The following TCF7L1 variants were observed in gnomAD, a reference collection of about 807,000 sequenced individuals.
TCF7L1 encodes the protein transcription factor 7-like 1.
TCF7L1 carries 18 observed loss-of-function variants against 63.7 expected under a neutral mutation model. The observed-to-expected ratio is 0.28, with a 90% CI of 0.20 to 0.42. The LOEUF (loss-of-function observed/expected upper bound fraction) is 0.42, where lower values mean the gene tolerates loss of function less well. Ranked by LOEUF, TCF7L1 falls within the 10% of genes least tolerant of loss-of-function variation. The pLI, the probability that TCF7L1 is intolerant of heterozygous loss-of-function variation, is 1.00. For synonymous variants in TCF7L1, 355 were observed against 340.9 expected (o/e 1.04, Z -0.46); for missense variants, 654 against 779.3 (o/e 0.84, Z 1.91).
intron 3 of TCF7L1, among the ~76,000 whole-genome samples, chr2:85,142,829 AG>A (rs1235780075): frequency 6.6e-6 from 1 of 152,228 alleles, no homozygotes; most frequent in Non-Finnish European, 1.5e-5. Flanking sequence ...GAACAGCCCC[AG>A]GACACTTCTA....
chr2:85,203,835 A>G (rs555613275), intron 3 of TCF7L1, among the ~76,000 whole-genome samples: 28 of 152,358 alleles, frequency 1.8e-4, no homozygotes, highest in Non-Finnish European at 1.8e-4. Flanking sequence ...TAAAAAACTT[A>G]AAAGATACCT....
At position 85,283,398 on chromosome 2, in the gene TCF7L1, G is replaced by A. The variant is rs1681469813; in HGVS notation, c.442-97G>A. The stretch of plus-strand genomic sequence containing the variant: ...CATGAAAATGCAGGCCACCCCAATG[G>A]CCTGCCCCGGTGCCCTAACAGCAGA... On this transcript the variant is annotated intron_variant, in intron 3 of 11. Transcript: ENST00000282111. 3.0e-6 allele frequency: 4 copies of A among 1,326,076 alleles called. No individual in the cohort carries two copies. In the Admixed American group the frequency reaches 6.8e-5, roughly 22 times the overall value. 82.1% of individuals were successfully genotyped at this position (1,326,076 alleles called of 1,614,324 possible). A position where few individuals can be genotyped will look rare whatever the true frequency, so the allele number is the denominator to read the frequency against.
At chr2:85,195,556 T>C (rs1679135946) in intron 3 of TCF7L1, among the ~76,000 whole-genome samples, 3 of 152,174 alleles carry the variant, frequency 2.0e-5, no homozygotes, top group African/African-American at 4.8e-5. Flanking sequence ...TTTCCTTCTT[T>C]CTTTTTTTGA....
In TCF7L1 at chr2:85,306,234, G is replaced by A. The variant is rs752039742; in HGVS notation, c.1018G>A (p.Glu340Lys). Residue 340 changes from glutamate (E) to lysine (K), a missense_variant, in exon 9 of 12, where the codon GAG becomes AAG. Coordinates refer to ENST00000282111, the MANE Select transcript of TCF7L1 (RefSeq NM_031283.3). The surrounding 1 kb of genome is among the most constrained non-coding windows in gnomAD (Gnocchi z 4.3). ...ATCACCAGTCACCGTGAAAAAGGAG[G>A]AGGAAAAGAAGCCCCACGTGAAGAA... is the stretch of plus-strand genomic sequence containing the variant. ...VKSPVTVKKEEEKKPHVKKPL... is the reference protein window; with the variant it reads ...VKSPVTVKKEKEKKPHVKKPL... 7 of 1,614,172 alleles carry A rather than the reference G, an allele frequency of 4.3e-6. No homozygotes were observed. The Admixed American group carries it at 1.2e-4, about 27-fold the overall frequency.
chr2:85,206,954 G>A (rs368691811), intron 3 of TCF7L1, among the ~76,000 whole-genome samples: 1 of 149,326 alleles, frequency 6.7e-6, no homozygotes, highest in East Asian at 1.9e-4. Context: ...GGTCAGAAAT[G>A]TCATTCAGAA....
chr2:85,215,529 G>A (rs547198399), intron 3 of TCF7L1, among the ~76,000 whole-genome samples: 9 of 152,290 alleles, frequency 5.9e-5, no homozygotes, highest in Admixed American at 2.6e-4. Flanking sequence ...TTCTCAGAGC[G>A]GGAACATGGT....
At chr2:85,228,064 A>C (rs187027865) in intron 3 of TCF7L1, among the ~76,000 whole-genome samples, 1 of 151,902 alleles carries the variant, frequency 6.6e-6, no homozygotes, top group Non-Finnish European at 1.5e-5. Context: ...TTTTCCATTC[A>C]ACATTTAATC....
intron 4 of TCF7L1, among the ~76,000 whole-genome samples, chr2:85,286,586 C>T (rs1248679850): frequency 6.6e-6 from 1 of 152,036 alleles, no homozygotes; most frequent in Admixed American, 6.5e-5. Context: ...ACCTCTGCCT[C>T]CTGGGTTCAA....
chr2:85,238,438 G>A (rs1168443569), intron 3 of TCF7L1, among the ~76,000 whole-genome samples: 1 of 152,222 alleles, frequency 6.6e-6, no homozygotes, highest in Non-Finnish European at 1.5e-5. Context: ...GGGGGATTCA[G>A]AGCAGCATCT....
intron 3 of TCF7L1, among the ~76,000 whole-genome samples, chr2:85,264,259 G>A (rs182609105): frequency 7.2e-5 from 11 of 152,308 alleles, no homozygotes; most frequent in East Asian, 1.9e-4. Context: ...GAGTGACTAC[G>A]TGAGTACTCC....
intron 4 of TCF7L1, among the ~76,000 whole-genome samples, chr2:85,293,107 T>C (rs1193114988): frequency 6.6e-6 from 1 of 152,224 alleles, no homozygotes; most frequent in Non-Finnish European, 1.5e-5. Context: ...GGAAGCAGAT[T>C]GAAAGCTTCC....
In TCF7L1 at chr2:85,133,494, C is replaced by T. The variant is rs866938871; in HGVS notation, c.-191C>T. On this transcript the variant is annotated 5_prime_UTR_variant, in exon 1 of 12. Coordinates refer to ENST00000282111, the MANE Select transcript of TCF7L1 (RefSeq NM_031283.3). The surrounding 1 kb of genome is among the most constrained non-coding windows in gnomAD (Gnocchi z 4.4). ...TAGGCTCGGCGCTGCCGGAGGGGCC[C>T]GAGCCGAGCCGCCTGCGCCCCGGCC... The T allele has an allele frequency of 5.0e-3, 751 of 149,944 alleles. 8 individuals carry two copies. The highest frequency in any genetic ancestry group is 0.017 in the African/African-American group (704 of 40,970). The allele number at this position is 149,944 out of a possible 1,614,324, so 9.3% of individuals were successfully genotyped here. A position where few individuals can be genotyped will look rare whatever the true frequency, so the allele number is the denominator to read the frequency against.
chr2:85,249,737 C>G (rs1012509125), intron 3 of TCF7L1, among the ~76,000 whole-genome samples: 19 of 152,288 alleles, frequency 1.2e-4, no homozygotes, highest in Admixed American at 9.8e-4. Flanking sequence ...CACACTGGGC[C>G]TCCATCCAGG....
chr2:85,214,847 T>G (rs1295247464), intron 3 of TCF7L1, among the ~76,000 whole-genome samples: 1 of 152,178 alleles, frequency 6.6e-6, no homozygotes, highest in Admixed American at 6.5e-5. Context: ...TGCATAAAGG[T>G]GGACTGTGAA....
At position 85,309,309 on chromosome 2, in the gene TCF7L1, G is replaced by T. The variant is rs761148032; in HGVS notation, c.1614G>T (p.Gln538His). 44 of 1,613,274 alleles carry T rather than the reference G, an allele frequency of 2.7e-5. No individual in the cohort carries two copies. The Middle Eastern group carries it at 1.3e-3, about 48-fold the overall frequency. ...CCTCCTCTGGGCAGATGGGCAGCCA[G>T]CCTCCCCTCCTGTCCCGGCCCCTCC... ...AASSSGQMGS[Q>H]PPLLSRPLPL... Residue 538 changes from glutamine (Q) to histidine (H), a missense_variant, in exon 12 of 12, where the codon CAG becomes CAT. This residue lies in a region of TCF7L1 where 184 missense variants were observed against 204.0 expected (regional missense o/e 0.90). Transcript: ENST00000282111.
In TCF7L1 at chr2:85,309,079, G is replaced by C. The variant is rs769416345; in HGVS notation, c.1384G>C (p.Glu462Gln). ...GCCATGTGTTCAGTACCTGCCCCCCGAGAAGCCCTGTGACAGCCCTGCCTC... is the reference window on the plus strand; with the variant it reads ...GCCATGTGTTCAGTACCTGCCCCCCCAGAAGCCCTGTGACAGCCCTGCCTC... ...KKPCVQYLPP[E>Q]KPCDSPASSH... The change falls in exon 12 of 12, where the codon GAG becomes CAG. Residue 462 changes from glutamate to glutamine, a missense_variant. Transcript: ENST00000282111. 1 of 1,612,622 alleles carries C rather than the reference G, an allele frequency of 6.2e-7. No homozygotes were observed. Among genetic ancestry groups the C allele is most frequent in the Admixed American group, 1.7e-5 (1 of 59,838 alleles).
chr2:85,288,152 A>G (rs532305936), intron 4 of TCF7L1, among the ~76,000 whole-genome samples: 41 of 152,348 alleles, frequency 2.7e-4, no homozygotes, highest in Admixed American at 2.5e-3. Context: ...AGCAAAACTA[A>G]GAGGTAATGA....
At chr2:85,210,846 T>C (rs972495107) in intron 3 of TCF7L1, among the ~76,000 whole-genome samples, 2 of 152,178 alleles carry the variant, frequency 1.3e-5, no homozygotes, top group African/African-American at 4.8e-5. Context: ...ATCATCTCAT[T>C]ACCTCCACAT....
chr2:85,136,034 C>T (rs150044044), intron 3 of TCF7L1, among the ~76,000 whole-genome samples: 35 of 152,060 alleles, frequency 2.3e-4, no homozygotes, highest in African/African-American at 7.7e-4. Context: ...TGTTGGGATT[C>T]GTGTAACTTT....
Sources: allele counts gnomAD v4.1 joint callset (sites outside exome capture counted in the v4.1 genomes callset), GRCh38; gene constraint gnomAD v4.1.1; regional missense constraint gnomAD v4.1.1; non-coding constraint Gnocchi (gnomAD v3.1); transcripts MANE v1.5; gene names NCBI Gene and HGNC (gene_info 2026-07-23, HGNC 2026-07-21).